RIMS2: variants seen among roughly 807,000 people sequenced by gnomAD.
RIMS2 encodes regulating synaptic membrane exocytosis 2.
Under a neutral mutation model 174.4 loss-of-function variants are expected in RIMS2, and 59 were observed. The observed-to-expected ratio is 0.34, with a 90% confidence interval of 0.27 to 0.42. RIMS2 has a LOEUF of 0.42. Among genes scored for constraint, RIMS2 ranks in the 10% least tolerant of loss-of-function variants. The pLI is 1.00. For missense variants in RIMS2, 1,620 were observed against 1,666.3 expected (o/e 0.97, Z 0.48); for synonymous variants, 606 against 572.5 (o/e 1.06, Z -0.84).
chr8:103,692,183 G>A (rs1381864142), intron 1 of RIMS2, among the ~76,000 whole-genome samples: 2 of 152,156 alleles, frequency 1.3e-5, no homozygotes, highest in East Asian at 3.9e-4. Context: ...GTGCCTCACC[G>A]AAAGCTCACA....
Position 104,251,015 on chromosome 8 carries a change from T to G in RIMS2, c.3692-9T>G. 1 of 1,610,080 alleles carries G rather than the reference T, an allele frequency of 6.2e-7. No individual in the cohort carries two copies. The highest frequency in any genetic ancestry group is 8.5e-7 in the Non-Finnish European group (1 of 1,177,700). ...ATTGCTCATTCTCCTCTGTGTTTTC[T>G]TTCCCAAGCACCGTATGTAAAAGTG... On this transcript the variant is annotated splice_polypyrimidine_tract_variant and intron_variant, in intron 22 of 23. Transcript: ENST00000504942.
At chr8:103,824,969 T>C (rs538224274) in intron 3 of RIMS2, among the ~76,000 whole-genome samples, 11 of 152,354 alleles carry the variant, frequency 7.2e-5, no homozygotes, top group East Asian at 1.9e-4. Context: ...TTGGGTAGTA[T>C]TGAACATAGA....
intron 3 of RIMS2, among the ~76,000 whole-genome samples, chr8:103,853,019 C>A (rs986005316): frequency 2.6e-5 from 4 of 152,054 alleles, no homozygotes; most frequent in African/African-American, 4.8e-5. Context: ...TACATTCTTA[C>A]CAACAGTGTA....
intron 14 of RIMS2, among the ~76,000 whole-genome samples, chr8:103,958,626 C>T (rs930816299): frequency 6.6e-6 from 1 of 152,128 alleles, no homozygotes. Context: ...AGAACTTGAT[C>T]TTTTTCTTGC....
At chr8:103,874,667 A>G (rs963400369) in intron 3 of RIMS2, among the ~76,000 whole-genome samples, 1 of 152,064 alleles carries the variant, frequency 6.6e-6, no homozygotes, top group Non-Finnish European at 1.5e-5. Context: ...AAAACACGTA[A>G]TTTGGAGGAA....
At chr8:103,862,391 A>G (rs1019565169) in intron 3 of RIMS2, among the ~76,000 whole-genome samples, 8 of 151,914 alleles carry the variant, frequency 5.3e-5, no homozygotes, top group Non-Finnish European at 8.8e-5. Context: ...TTGTAGTATA[A>G]TTTGAAGTCA....
intron 2 of RIMS2, among the ~76,000 whole-genome samples, chr8:103,761,346 G>C (rs1225696403): frequency 6.6e-6 from 1 of 152,212 alleles, no homozygotes; most frequent in Non-Finnish European, 1.5e-5. Context: ...ATTAGTCAAG[G>C]TAATGCAATC....
At chr8:103,562,510 A>G (rs542894254) in intron 1 of RIMS2, among the ~76,000 whole-genome samples, 1 of 152,272 alleles carries the variant, frequency 6.6e-6, no homozygotes, top group African/African-American at 2.4e-5. Context: ...GTGGGTTCCC[A>G]TGGTCTTGGG....
At chr8:103,689,488 A>G (rs1019568180) in intron 1 of RIMS2, among the ~76,000 whole-genome samples, 4 of 152,180 alleles carry the variant, frequency 2.6e-5, no homozygotes, top group South Asian at 2.1e-4. Flanking sequence ...ATTTAGGTCT[A>G]TCTCTCTCTT....
At chr8:104,093,027 C>T (rs2097689858) in intron 19 of RIMS2, among the ~76,000 whole-genome samples, 1 of 151,882 alleles carries the variant, frequency 6.6e-6, no homozygotes. Flanking sequence ...TTTCTCTCGG[C>T]TTTTCTAAAA....
intron 2 of RIMS2, among the ~76,000 whole-genome samples, chr8:103,704,334 A>G (rs2097199664): frequency 6.6e-6 from 1 of 151,572 alleles, no homozygotes; most frequent in Non-Finnish European, 1.5e-5. Context: ...ATTGATCTTT[A>G]TAATGTTTTA....
intron 1 of RIMS2, among the ~76,000 whole-genome samples, chr8:103,694,451 C>A (rs1415212206): frequency 6.6e-6 from 1 of 151,974 alleles, no homozygotes; most frequent in Non-Finnish European, 1.5e-5. Flanking sequence ...TGTGCTGGGA[C>A]ATGCCTTGTA....
chr8:104,101,583 TAC>T (rs1270051848), intron 19 of RIMS2, among the ~76,000 whole-genome samples: 2 of 152,162 alleles, frequency 1.3e-5, no homozygotes, highest in Admixed American at 6.5e-5. Flanking sequence ...CACATATATA[TAC>T]ACACACATAG....
rs1269698200 is a variant in RIMS2 at position 104,163,218 on chromosome 8, A to C, written c.3335-81698A>C. Among the ~76,000 whole-genome samples, 10 of 152,248 alleles carry C rather than the reference A, an allele frequency of 6.6e-5. 1 individual carries two copies. In the East Asian group the frequency reaches 1.9e-3, roughly 29 times the overall value. ...CAGCTCTAAGTGGACAAATTCTTCT[A>C]ATATTATTCTAGGATGAAGTATTTT... is the stretch of plus-strand genomic sequence containing the variant. On this transcript the variant is annotated intron_variant, in intron 19 of 23. Coordinates refer to ENST00000504942, the Ensembl canonical transcript of RIMS2.
At chr8:104,006,834 G>A (rs2095602394) in intron 17 of RIMS2, among the ~76,000 whole-genome samples, 1 of 151,670 alleles carries the variant, frequency 6.6e-6, no homozygotes. Context: ...TTTTGTATGT[G>A]CCTTTTTTGA....
At chr8:103,912,004 T>C (rs1194900326) in intron 5 of RIMS2, 49 bp from the exon 9 acceptor site, 1 of 1,406,942 alleles carries the variant, frequency 7.1e-7, no homozygotes, top group African/African-American at 1.5e-5. Context: ...AATAAAATCA[T>C]TTATTTATTT....
intron 2 of RIMS2, among the ~76,000 whole-genome samples, chr8:103,713,176 G>C (rs554234976): frequency 6.6e-6 from 1 of 152,164 alleles, no homozygotes; most frequent in East Asian, 1.9e-4. Flanking sequence ...ACACCACCAT[G>C]CTTGGCTAAT....
chr8:104,088,597 T>C (rs910216204), intron 19 of RIMS2, among the ~76,000 whole-genome samples: 6 of 152,044 alleles, frequency 3.9e-5, no homozygotes, highest in Non-Finnish European at 7.4e-5. Context: ...TTTTTAATTA[T>C]TGTTTTGTAC....
intron 2 of RIMS2, among the ~76,000 whole-genome samples, chr8:103,717,665 A>G (rs2097389385): frequency 6.6e-6 from 1 of 152,220 alleles, no homozygotes; most frequent in Non-Finnish European, 1.5e-5. Context: ...TTATGCATTG[A>G]TAAGATTTCA....
Sources: gnomAD v4.1 joint callset for allele counts (sites outside exome capture counted in the v4.1 genomes callset) on GRCh38, gnomAD v4.1.1 for gene constraint, MANE v1.5 for transcripts, NCBI Gene and HGNC (gene_info 2026-07-23, HGNC 2026-07-21) for gene names.